The following FMN1 variants were observed in gnomAD, a reference collection of about 807,000 sequenced individuals.
FMN1 encodes formin-1.
In FMN1, 110 loss-of-function variants were observed where a neutral mutation model predicts 132.4. That is an observed-to-expected ratio of 0.83 (90% CI 0.71 to 0.97). The LOEUF is 0.97. Ranked by LOEUF, FMN1 falls within the 50% of genes least tolerant of loss-of-function variation. The pLI is 0.00. For missense variants in FMN1, 1,792 were observed against 1,705.3 expected (o/e 1.05, Z -0.90); for synonymous variants, 722 against 651.7 (o/e 1.11, Z -1.64).
At chr15:33,108,478 AGTT>A (rs1368492344) in intron 4 of FMN1, among the ~76,000 whole-genome samples, 1 of 152,126 alleles carries the variant, frequency 6.6e-6, no homozygotes, top group East Asian at 1.9e-4. Flanking sequence ...AAACAGCTTA[AGTT>A]ATTAGATTGC....
chr15:33,031,176 G>A (rs8041317), intron 6 of FMN1, among the ~76,000 whole-genome samples: 41,135 of 151,796 alleles, frequency 0.27, 5,750 homozygotes, highest in Non-Finnish European at 0.31. Context: ...GCCAGGATTC[G>A]AACCCAGGAA....
intron 4 of FMN1, among the ~76,000 whole-genome samples, chr15:33,140,992 T>G (rs2140250981): frequency 6.6e-6 from 1 of 152,324 alleles, no homozygotes; most frequent in South Asian, 2.1e-4. Flanking sequence ...TTGCTCATTT[T>G]TTTCCTCCTG....
chr15:33,106,667 T>C lies in FMN1; in HGVS notation c.1868-17693A>G, dbSNP rs367703302. ...ATCAGTGTTCTAAATCTCAGCACCATTGAAATTTTGGGCCAGATAACTGTT... is the reference window on the plus strand; with the variant it reads ...ATCAGTGTTCTAAATCTCAGCACCACTGAAATTTTGGGCCAGATAACTGTT... On this transcript the variant is annotated intron_variant, in intron 4 of 20. Coordinates refer to ENST00000616417, the MANE Select transcript of FMN1 (RefSeq NM_001277313.2). Among the ~76,000 whole-genome samples the C allele has an allele frequency of 5.9e-5, 9 of 152,176 alleles. No homozygotes were observed. The South Asian group carries it at 1.4e-3, about 25-fold the overall frequency.
At chr15:32,848,234 C>T (rs370500246) in intron 17 of FMN1, among the ~76,000 whole-genome samples, 8 of 152,208 alleles carry the variant, frequency 5.3e-5, no homozygotes, top group East Asian at 1.9e-4. Context: ...AAAAGTGTGA[C>T]GCCTGAAACT....
chr15:32,774,036 C>A lies in FMN1; in HGVS notation c.*274G>T. ...TTTTGGAAACATTTTGGTATTTCTTCTGCTCTTAGAGTGGACTTTGGGCTT... is the reference window on the plus strand; with the variant it reads ...TTTTGGAAACATTTTGGTATTTCTTATGCTCTTAGAGTGGACTTTGGGCTT... On this transcript the variant is annotated 3_prime_UTR_variant, in exon 21 of 21. Transcript: ENST00000616417. 1 of 450,298 alleles carries A rather than the reference C, an allele frequency of 2.2e-6. No individual in the cohort carries two copies. Among genetic ancestry groups the A allele is most frequent in the South Asian group, 3.5e-5 (1 of 28,276 alleles). The allele number at this position is 450,298 out of a possible 1,614,324, so 27.9% of individuals were successfully genotyped here.
At chr15:33,110,200 T>C (rs1314057806) in intron 4 of FMN1, among the ~76,000 whole-genome samples, 2 of 152,068 alleles carry the variant, frequency 1.3e-5, no homozygotes, top group African/African-American at 4.8e-5. Context: ...TGTCAGATTA[T>C]TAGGACACTA....
intron 8 of FMN1, among the ~76,000 whole-genome samples, chr15:32,967,628 AAAAAGAAGTATCAG>A (rs1472562535): frequency 2.0e-5 from 3 of 152,240 alleles, no homozygotes; most frequent in Admixed American, 2.0e-4. Flanking sequence ...GAATTTTGTA[AAAAAGAAGTATCAG>A]GATGTTCCAA....
intron 5 of FMN1, among the ~76,000 whole-genome samples, chr15:33,070,211 G>A (rs2037941077): frequency 6.6e-6 from 1 of 151,200 alleles, no homozygotes; most frequent in Non-Finnish European, 1.5e-5. Flanking sequence ...CTCCATGTTG[G>A]TCAGGCTGGT....
intron 16 of FMN1, among the ~76,000 whole-genome samples, chr15:32,882,132 C>T (rs1047546642): frequency 1.3e-5 from 2 of 152,150 alleles, no homozygotes; most frequent in Non-Finnish European, 2.9e-5. Flanking sequence ...AGCCTGAATT[C>T]AATCCAATTT....
chr15:32,815,238 G>A (rs113362358), intron 17 of FMN1, among the ~76,000 whole-genome samples: 2,804 of 152,178 alleles, frequency 0.018, 96 homozygotes, highest in African/African-American at 0.064. Flanking sequence ...CATCGCGCCC[G>A]GCCTGCATGT....
intron 17 of FMN1, among the ~76,000 whole-genome samples, chr15:32,835,747 G>C (rs1440794093): frequency 6.6e-6 from 1 of 152,224 alleles, no homozygotes; most frequent in Non-Finnish European, 1.5e-5. Context: ...GTAAATGTCT[G>C]TGTGGTACAA....
intron 4 of FMN1, among the ~76,000 whole-genome samples, chr15:33,127,909 T>TC (rs1449878098): frequency 1.4e-5 from 2 of 147,080 alleles, no homozygotes; most frequent in Admixed American, 7.0e-5. Context: ...CTACAACAAA[T>TC]GGAGACAGAT....
chr15:32,902,293 A>G (rs1369629169), intron 12 of FMN1, among the ~76,000 whole-genome samples: 1 of 152,224 alleles, frequency 6.6e-6, no homozygotes, highest in Non-Finnish European at 1.5e-5. Context: ...CAGAAAGTTA[A>G]CACAAGTATA....
In FMN1 at chr15:33,180,861, G is replaced by A. The variant is rs139424273; in HGVS notation, c.-196-599C>T. ...CCCTCCAGGGTTTCAGCCATTCATC[G>A]GCCTCAGCCTCCTGAGTAGCTGGGA... On this transcript the variant is annotated intron_variant, in intron 2 of 20. Coordinates refer to ENST00000616417, the MANE Select transcript of FMN1 (RefSeq NM_001277313.2). Among the ~76,000 whole-genome samples the A allele has an allele frequency of 3.9e-4, 59 of 149,672 alleles. No homozygotes were observed. In the East Asian group the frequency reaches 0.011, roughly 28 times the overall value.
intron 17 of FMN1, among the ~76,000 whole-genome samples, chr15:32,847,119 C>T (rs1285059704): frequency 1.3e-5 from 2 of 152,108 alleles, no homozygotes; most frequent in Non-Finnish European, 2.9e-5. Flanking sequence ...AGGAGATTAC[C>T]CAATAACACC....
At chr15:32,997,607 G>C (rs1042735440) in intron 7 of FMN1, among the ~76,000 whole-genome samples, 2 of 152,098 alleles carry the variant, frequency 1.3e-5, no homozygotes, top group African/African-American at 4.8e-5. Context: ...CACAGAGCTG[G>C]TGCTTCCTTC....
At chr15:32,927,033 G>A (rs117857949) in intron 9 of FMN1, among the ~76,000 whole-genome samples, 69 of 152,208 alleles carry the variant, frequency 4.5e-4, no homozygotes, top group Non-Finnish European at 8.8e-4. Context: ...CTAAATTCAA[G>A]TGATTCTTCC....
chr15:33,039,804 A>G (rs529596141), intron 6 of FMN1, among the ~76,000 whole-genome samples: 2 of 152,288 alleles, frequency 1.3e-5, no homozygotes, highest in South Asian at 4.1e-4. Flanking sequence ...TTTTGAATGT[A>G]TCTGTTCATA....
At chr15:32,832,768 T>A (rs1432537399) in intron 17 of FMN1, among the ~76,000 whole-genome samples, 1 of 151,880 alleles carries the variant, frequency 6.6e-6, no homozygotes, top group African/African-American at 2.4e-5. Flanking sequence ...AGGAAGAGCT[T>A]TTTGAGATGG....
Sources: gnomAD v4.1 joint callset for allele counts (sites outside exome capture counted in the v4.1 genomes callset) on GRCh38, gnomAD v4.1.1 for gene constraint, MANE v1.5 for transcripts, NCBI Gene and HGNC (gene_info 2026-07-23, HGNC 2026-07-21) for gene names.